ITK: variants seen among roughly 807,000 people sequenced by gnomAD.
ITK encodes IL2 inducible T cell kinase, also known as tyrosine-protein kinase ITK/TSK.
Under a neutral mutation model 87.6 loss-of-function variants are expected in ITK, and 45 were observed. The observed-to-expected ratio is 0.51, with a 90% CI of 0.40 to 0.66. The LOEUF (loss-of-function observed/expected upper bound fraction) is 0.66, where lower values mean the gene tolerates loss of function less well. Ranked by LOEUF, ITK falls within the 30% of genes least tolerant of loss-of-function variation. ITK has a pLI of 0.00. For missense variants in ITK, 605 were observed against 766.3 expected (o/e 0.79, Z 2.48); for synonymous variants, 303 against 273.6 (o/e 1.11, Z -1.06).
chr5:157,222,225 C>A (rs993060424), intron 5 of ITK, among the ~76,000 whole-genome samples: 1 of 152,112 alleles, frequency 6.6e-6, no homozygotes, highest in Non-Finnish European at 1.5e-5. Context: ...GGCGACTATG[C>A]GCTTTGTGGT....
chr5:157,244,237 C>A, intron 12 of ITK, 25 bp from the exon 13 acceptor site: 1 of 1,594,920 alleles, frequency 6.3e-7, no homozygotes, highest in Non-Finnish European at 8.6e-7. Flanking sequence ...TTTAGGCCAT[C>A]TCACCCCTTG....
In ITK at chr5:157,240,227, G is replaced by A. The variant is rs199589124; in HGVS notation, c.985+32G>A. ...TCTAGAGCAGGGGTGGACCCGGGCC[G>A]CCCAGCAGGAGGTGAGCAGCAGGTG... On this transcript the variant is annotated intron_variant, in intron 10 of 16. Coordinates refer to ENST00000422843, the MANE Select transcript of ITK (RefSeq NM_005546.4). 81 of 1,608,244 alleles carry A rather than the reference G, an allele frequency of 5.0e-5. No individual in the cohort carries two copies. In the East Asian group the frequency reaches 1.3e-3, roughly 26 times the overall value.
intron 15 of ITK, among the ~76,000 whole-genome samples, chr5:157,247,323 G>A (rs1240052323): frequency 1.3e-5 from 2 of 152,166 alleles, no homozygotes; most frequent in African/African-American, 4.8e-5. Flanking sequence ...GTTACAGAAT[G>A]GACTTGAAAG....
chr5:157,199,100 CTTAA>C (rs1753909762), intron 1 of ITK: 1 of 152,140 alleles, frequency 6.6e-6, no homozygotes, highest in Non-Finnish European at 1.5e-5. Flanking sequence ...AAAAAATTCT[CTTAA>C]TTAACTTAAT....
chr5:157,245,541 T>A, intron 13 of ITK, 185 bp from the exon 14 acceptor site: 1 of 664,064 alleles, frequency 1.5e-6, no homozygotes, highest in South Asian at 1.6e-5. Flanking sequence ...ATCTTACACA[T>A]TCAACTTTCC....
In ITK at chr5:157,211,348, G is replaced by T; in HGVS notation, c.305G>T (p.Trp102Leu). Residue 102 changes from tryptophan (W) to leucine (L), a missense_variant, in exon 3 of 17, where the codon TGG (tryptophan) becomes TTG (leucine). By Grantham distance (61) the Trp-to-Leu change is moderately conservative (BLOSUM62 -2). Coordinates refer to ENST00000422843, the MANE Select transcript of ITK (RefSeq NM_005546.4). Reference sequence around the variant, plus strand: ...CCAGATCGTGAGAGCCGGCAGCGCTGGGTGCTGGCCCTTAAAGAAGGTAAT... The same window carrying T: ...CCAGATCGTGAGAGCCGGCAGCGCTTGGTGCTGGCCCTTAAAGAAGGTAAT... Reference protein sequence around the residue: ...FAPDRESRQRWVLALKEETRN... With the variant: ...FAPDRESRQRLVLALKEETRN... The T allele has an allele frequency of 6.2e-7, 1 of 1,613,886 alleles. No individual in the cohort carries two copies. The highest frequency in any genetic ancestry group is 8.5e-7 in the Non-Finnish European group (1 of 1,179,772).
intron 5 of ITK, among the ~76,000 whole-genome samples, chr5:157,222,596 C>G (rs1428210266): frequency 6.6e-6 from 1 of 152,190 alleles, no homozygotes; most frequent in Non-Finnish European, 1.5e-5. Flanking sequence ...CTGCATATAA[C>G]ATAGTGCAGA....
intron 1 of ITK, among the ~76,000 whole-genome samples, chr5:157,203,021 C>G (rs1245308043): frequency 2.0e-5 from 3 of 152,238 alleles, no homozygotes; most frequent in Admixed American, 6.5e-5. Context: ...GCTGCTTGCT[C>G]TACCTGGGAT....
chr5:157,198,053 G>C (rs1034705959), intron 1 of ITK, among the ~76,000 whole-genome samples: 2 of 151,872 alleles, frequency 1.3e-5, no homozygotes, highest in Non-Finnish European at 2.9e-5. Context: ...GGGAGGCCAA[G>C]GCGGGTGGAT....
chr5:157,209,423 C>T (rs1317851207), intron 2 of ITK, among the ~76,000 whole-genome samples: 3 of 151,830 alleles, frequency 2.0e-5, no homozygotes, highest in Admixed American at 6.6e-5. Flanking sequence ...TTAGACAAAT[C>T]CCATTAGGAA....
intron 13 of ITK, among the ~76,000 whole-genome samples, 192 bp downstream of exon 13, chr5:157,244,670 T>A (rs936321571): frequency 1.3e-5 from 2 of 152,212 alleles, no homozygotes; most frequent in African/African-American, 4.8e-5. Context: ...TGGGCTCTGA[T>A]CCCAGCCCAA....
intron 1 of ITK, among the ~76,000 whole-genome samples, chr5:157,200,224 G>A (rs917594230): frequency 6.6e-5 from 10 of 152,304 alleles, no homozygotes; most frequent in South Asian, 6.2e-4. Context: ...TGTCTGACAC[G>A]TGTCAGATGC....
chr5:157,184,377 G>A (rs1312122485), intron 1 of ITK, among the ~76,000 whole-genome samples: 1 of 152,096 alleles, frequency 6.6e-6, no homozygotes, highest in African/African-American at 2.4e-5. Flanking sequence ...TTAACAATTA[G>A]CTACCTCGGG....
chr5:157,249,773 G>A (rs1755105316), intron 16 of ITK, among the ~76,000 whole-genome samples: 1 of 152,154 alleles, frequency 6.6e-6, no homozygotes, highest in South Asian at 2.1e-4. Flanking sequence ...TGGTCTGTGA[G>A]TTCATAGAGC....
At chr5:157,200,027 C>T (rs910247045) in intron 1 of ITK, among the ~76,000 whole-genome samples, 1 of 150,582 alleles carries the variant, frequency 6.6e-6, no homozygotes, top group African/African-American at 2.4e-5. Flanking sequence ...TATTGAAAGT[C>T]AGCCCTTAAT....
chr5:157,225,729 T>C (rs1034889694), intron 6 of ITK, among the ~76,000 whole-genome samples: 1 of 152,156 alleles, frequency 6.6e-6, no homozygotes, highest in African/African-American at 2.4e-5. Flanking sequence ...ATGAAGACAA[T>C]TGAGCTAGTC....
In ITK at chr5:157,243,739, A is replaced by C; in HGVS notation, c.1177A>C (p.Ile393Leu). The C allele has an allele frequency of 6.2e-7, 1 of 1,614,058 alleles. No homozygotes were observed. Among genetic ancestry groups the C allele is most frequent in the Non-Finnish European group, 8.5e-7 (1 of 1,179,992 alleles). ...LNKDKVAIKTIREGAMSEEDF... is the reference protein window; with the variant it reads ...LNKDKVAIKTLREGAMSEEDF... ...CAAGGACAAGGTGGCTATCAAAACC[A>C]TTCGGGAAGGGGCTATGTCAGAAGA... The change falls in exon 12 of 17, where the codon ATT becomes CTT. Residue 393 changes from isoleucine to leucine, a missense_variant. Coordinates refer to ENST00000422843, the MANE Select transcript of ITK (RefSeq NM_005546.4).
chr5:157,252,024 T>A (rs1438934103), intron 16 of ITK, among the ~76,000 whole-genome samples: 1 of 152,172 alleles, frequency 6.6e-6, no homozygotes, highest in African/African-American at 2.4e-5. Flanking sequence ...CTAAAAAAAA[T>A]AACTTGCTGA....
chr5:157,214,788 T>C (rs1754265691), intron 4 of ITK, among the ~76,000 whole-genome samples: 1 of 152,208 alleles, frequency 6.6e-6, no homozygotes, highest in African/African-American at 2.4e-5. Context: ...ATAAATTTAA[T>C]TACACAAATT....
Sources: gnomAD v4.1 joint callset for allele counts (sites outside exome capture counted in the v4.1 genomes callset) on GRCh38, gnomAD v4.1.1 for gene constraint, MANE v1.5 for transcripts, NCBI Gene and HGNC (gene_info 2026-07-23, HGNC 2026-07-21) for gene names.